Variants in SLC8A1 observed in about 807,000 individuals in gnomAD.
The protein encoded by SLC8A1 is solute carrier family 8 member A1.
SLC8A1 carries 18 observed loss-of-function variants against 68.3 expected under a neutral mutation model. That is an observed-to-expected ratio of 0.26 (90% CI 0.18 to 0.39). The LOEUF is 0.39. Among genes scored for constraint, SLC8A1 ranks in the 10% least tolerant of loss-of-function variants. The pLI, the probability that SLC8A1 is intolerant of heterozygous loss-of-function variation, is 1.00. For synonymous variants in SLC8A1, 475 were observed against 415.5 expected (o/e 1.14, Z -1.74); for missense variants, 985 against 1,156.7 (o/e 0.85, Z 2.15).
At chr2:40,209,686 G>T (rs2056210589) in intron 2 of SLC8A1, among the ~76,000 whole-genome samples, 1 of 152,134 alleles carries the variant, frequency 6.6e-6, no homozygotes, top group Non-Finnish European at 1.5e-5. Context: ...TAGGAAGACA[G>T]AGTATAGAGT....
At chr2:40,185,565 T>G (rs566639990) in intron 2 of SLC8A1, among the ~76,000 whole-genome samples, 1 of 152,130 alleles carries the variant, frequency 6.6e-6, no homozygotes, top group African/African-American at 2.4e-5. Flanking sequence ...GAAAGCAGAT[T>G]AGTGATTGCC....
intron 2 of SLC8A1, among the ~76,000 whole-genome samples, chr2:40,374,351 T>TTA (rs952145721): frequency 7.9e-5 from 12 of 151,640 alleles, no homozygotes; most frequent in Admixed American, 1.3e-4. Context: ...GTCTCTGTAT[T>TTA]TATATATATA....
At chr2:40,510,389 G>C (rs1706642706) in intron 1 of SLC8A1, among the ~76,000 whole-genome samples, 1 of 152,146 alleles carries the variant, frequency 6.6e-6, no homozygotes, top group African/African-American at 2.4e-5. Context: ...AGAAAAAACA[G>C]GAGCAGACAT....
At chr2:40,168,275 A>C (rs1244129304) in intron 4 of SLC8A1, among the ~76,000 whole-genome samples, 1 of 152,118 alleles carries the variant, frequency 6.6e-6, no homozygotes, top group East Asian at 1.9e-4. Context: ...TTCAGGAAAG[A>C]GGAGCTATTT....
intron 2 of SLC8A1, among the ~76,000 whole-genome samples, chr2:40,267,531 C>A (rs938059391): frequency 1.3e-5 from 2 of 152,150 alleles, no homozygotes; most frequent in African/African-American, 2.4e-5. Context: ...TTTGCCTCAA[C>A]TCAGTTGTAA....
At chr2:40,309,605 A>T (rs1474863384) in intron 2 of SLC8A1, among the ~76,000 whole-genome samples, 2 of 148,182 alleles carry the variant, frequency 1.3e-5, no homozygotes, top group East Asian at 4.0e-4. Context: ...TCCCAGGTTC[A>T]AGAGATTCTC....
chr2:40,140,787 G>A (rs2041416437), intron 6 of SLC8A1, among the ~76,000 whole-genome samples: 1 of 152,170 alleles, frequency 6.6e-6, no homozygotes, highest in African/African-American at 2.4e-5. Flanking sequence ...AAATGAAGGA[G>A]TGCATGCAGA....
intron 2 of SLC8A1, among the ~76,000 whole-genome samples, chr2:40,358,750 C>T (rs1559376625): frequency 6.6e-6 from 1 of 152,190 alleles, no homozygotes; most frequent in South Asian, 2.1e-4. Flanking sequence ...ACAGGCAAGA[C>T]TCCTACTCTC....
intron 2 of SLC8A1, among the ~76,000 whole-genome samples, chr2:40,243,269 C>T (rs2061435288): frequency 6.6e-6 from 1 of 152,058 alleles, no homozygotes; most frequent in African/African-American, 2.4e-5. Flanking sequence ...ATTGCTTGAG[C>T]CTCAGGAGTT....
chr2:40,221,868 G>C (rs2148844573), intron 2 of SLC8A1, among the ~76,000 whole-genome samples: 1 of 152,300 alleles, frequency 6.6e-6, no homozygotes, highest in East Asian at 1.9e-4. Context: ...GGAAATAAGA[G>C]AGGACACAAA....
chr2:40,378,879 T>C (rs1223328814), intron 2 of SLC8A1, among the ~76,000 whole-genome samples: 2 of 152,124 alleles, frequency 1.3e-5, no homozygotes, highest in African/African-American at 2.4e-5. Context: ...TCTTTGACCA[T>C]ATTCTAAAGT....
exon 8 of SLC8A1, chr2:40,112,732 G>T (rs569010674): frequency 2.0e-5 from 3 of 152,422 alleles, no homozygotes; most frequent in African/African-American, 7.2e-5. Flanking sequence ...CCATAGAAAA[G>T]TTCCATTGCC....
intron 2 of SLC8A1, among the ~76,000 whole-genome samples, chr2:40,422,356 T>C (rs554325470): frequency 1.3e-5 from 2 of 152,312 alleles, no homozygotes; most frequent in Admixed American, 1.3e-4. Context: ...TCCCATGATA[T>C]TACAATGTTG....
At chr2:40,144,206 C>T (rs1477050585) in intron 6 of SLC8A1, among the ~76,000 whole-genome samples, 1 of 152,152 alleles carries the variant, frequency 6.6e-6, no homozygotes, top group Non-Finnish European at 1.5e-5. Flanking sequence ...AAGCTGCTTG[C>T]TTTTAAGAAA....
At chr2:40,453,900 C>T (rs1452226403), upstream of SLC8A1, among the ~76,000 whole-genome samples, 1 of 152,168 alleles carries the variant, frequency 6.6e-6, no homozygotes, top group Non-Finnish European at 1.5e-5. Flanking sequence ...AGAGGACACT[C>T]TAAGCTGCTT....
At chr2:40,182,498 GAAA>G (rs143210623) in intron 2 of SLC8A1, among the ~76,000 whole-genome samples, 1 of 151,964 alleles carries the variant, frequency 6.6e-6, no homozygotes, top group Non-Finnish European at 1.5e-5. Flanking sequence ...AAAAGAAAAA[GAAA>G]AAAACATTCG....
chr2:40,492,640 A>T (rs1259031862), intron 1 of SLC8A1, among the ~76,000 whole-genome samples: 1 of 149,702 alleles, frequency 6.7e-6, no homozygotes, highest in Non-Finnish European at 1.5e-5. Context: ...ACTCAAACAA[A>T]TTTACAAGAA....
chr2:40,155,811 C>G (rs2044367231), intron 6 of SLC8A1, among the ~76,000 whole-genome samples: 1 of 152,136 alleles, frequency 6.6e-6, no homozygotes, highest in African/African-American at 2.4e-5. Context: ...GACATGCCCT[C>G]TACTTATTTA....
At chr2:40,367,756 T>C (rs1237515694) in intron 2 of SLC8A1, among the ~76,000 whole-genome samples, 1 of 151,930 alleles carries the variant, frequency 6.6e-6, no homozygotes, top group Non-Finnish European at 1.5e-5. Context: ...CAATAATATC[T>C]CAGGATCTGA....
Sources: allele counts gnomAD v4.1 joint callset (sites outside exome capture counted in the v4.1 genomes callset), GRCh38; gene constraint gnomAD v4.1.1; transcripts MANE v1.5; gene names NCBI Gene and HGNC (gene_info 2026-07-23, HGNC 2026-07-21).